OTUD7B: variants seen among roughly 807,000 people sequenced by gnomAD.
OTUD7B encodes the protein OTU domain-containing protein 7B.
Under a neutral mutation model 82.2 loss-of-function variants are expected in OTUD7B, and 34 were observed. The observed-to-expected ratio is 0.41, with a 90% CI of 0.31 to 0.55. The LOEUF is 0.55. Among genes scored for constraint, OTUD7B ranks in the 20% least tolerant of loss-of-function variants. OTUD7B has a pLI of 0.20. For missense variants in OTUD7B, 944 were observed against 1,062.1 expected (o/e 0.89, Z 1.55); for synonymous variants, 398 against 402.7 (o/e 0.99, Z 0.14).
intron 1 of OTUD7B, among the ~76,000 whole-genome samples, chr1:149,981,169 CAGA>C (rs1650706950): frequency 6.6e-6 from 1 of 151,654 alleles, no homozygotes; most frequent in African/African-American, 2.4e-5. Context: ...TCAAATAAAA[CAGA>C]GGAGGTTTTC....
chr1:150,014,885 A>G (rs1653223249), upstream of OTUD7B, among the ~76,000 whole-genome samples: 1 of 151,200 alleles, frequency 6.6e-6, no homozygotes, highest in African/African-American at 2.4e-5. Flanking sequence ...ATCAAATTGT[A>G]TACTTAAGAT....
rs1649014933 is a variant in OTUD7B, at chr1:149,959,928, G to A, written c.733-132C>T. ...CTTGGTTTACAAATTGTACTACAAA[G>A]TCAAATCTCTTATCTCTTTTACAGT... On this transcript the variant is annotated intron_variant, in intron 6 of 11. Coordinates refer to ENST00000581312, the MANE Select transcript of OTUD7B (RefSeq NM_020205.4). The A allele has an allele frequency of 1.6e-5, 10 of 636,800 alleles. No individual in the cohort carries two copies. The South Asian group carries it at 1.7e-4, about 11-fold the overall frequency. The allele number at this position is 636,800 out of a possible 1,614,324, so 39.4% of individuals were successfully genotyped here.
intron 1 of OTUD7B, among the ~76,000 whole-genome samples, chr1:149,985,120 T>C (rs1651040354): frequency 1.3e-5 from 2 of 152,258 alleles, no homozygotes; most frequent in Middle Eastern, 3.4e-3. Context: ...CAAATTCCTA[T>C]ACAGAGGCCA....
chr1:150,046,197 T>C, the OTUD7B span, among the ~76,000 whole-genome samples: 1 of 152,160 alleles, frequency 6.6e-6, no homozygotes. Flanking sequence ...ATGGGTGATC[T>C]ACGTAACTGA....
chr1:150,010,237 G>C (rs1652949892), intron 1 of OTUD7B, among the ~76,000 whole-genome samples: 1 of 152,072 alleles, frequency 6.6e-6, no homozygotes. Context: ...AGGAACGCAG[G>C]ACGCAGGTGA....
At chr1:150,043,409 G>GA in the OTUD7B span, among the ~76,000 whole-genome samples, 1 of 152,096 alleles carries the variant, frequency 6.6e-6, no homozygotes, top group Non-Finnish European at 1.5e-5. Flanking sequence ...CCACTTATGT[G>GA]AAAAATACTT....
chr1:150,026,786 G>A, the OTUD7B span, among the ~76,000 whole-genome samples: 1 of 152,118 alleles, frequency 6.6e-6, no homozygotes, highest in African/African-American at 2.4e-5. Context: ...TAATATCCAA[G>A]CTCTTGGTGC....
At chr1:150,014,750 T>C (rs1243131484), upstream of OTUD7B, among the ~76,000 whole-genome samples, 2 of 152,098 alleles carry the variant, frequency 1.3e-5, no homozygotes, top group African/African-American at 4.8e-5. Flanking sequence ...ATCTTGAAGA[T>C]AAAAATCAGA....
chr1:149,971,882 A>G (rs1649963598), intron 2 of OTUD7B, among the ~76,000 whole-genome samples: 1 of 152,234 alleles, frequency 6.6e-6, no homozygotes, highest in Non-Finnish European at 1.5e-5. Flanking sequence ...TTCAACAAAT[A>G]TGCATTGTAT....
chr1:150,033,756 G>A, the OTUD7B span, among the ~76,000 whole-genome samples: 12 of 151,890 alleles, frequency 7.9e-5, no homozygotes, highest in East Asian at 7.7e-4. Flanking sequence ...ATGGAATCTC[G>A]CTGTCACCAG....
chr1:149,962,815 C>T (rs1559838894), intron 6 of OTUD7B: 1 of 152,094 alleles, frequency 6.6e-6, no homozygotes, highest in East Asian at 1.9e-4. Flanking sequence ...GTGAAGAGGA[C>T]AAAGCTGACT....
chr1:149,993,033 T>G (rs1651698780), intron 1 of OTUD7B, among the ~76,000 whole-genome samples: 1 of 151,920 alleles, frequency 6.6e-6, no homozygotes, highest in Non-Finnish European at 1.5e-5. Flanking sequence ...TGCCTATAAT[T>G]CCAGCTACAA....
At chr1:150,057,980 A>G in the OTUD7B span, among the ~76,000 whole-genome samples, 2 of 152,198 alleles carry the variant, frequency 1.3e-5, no homozygotes, top group Admixed American at 6.5e-5. Context: ...GCACTGCCCA[A>G]ATGCCCTTGG....
chr1:150,065,262 CAG>C, the OTUD7B span, among the ~76,000 whole-genome samples: 3 of 152,058 alleles, frequency 2.0e-5, no homozygotes, highest in Admixed American at 1.3e-4. Context: ...TTTGTACAGA[CAG>C]AGTTTCATCA....
the OTUD7B span, chr1:150,067,446 C>T: frequency 1.1e-5 from 2 of 184,170 alleles, no homozygotes; most frequent in Non-Finnish European, 2.2e-5. Flanking sequence ...AAATAGGGCA[C>T]GTAGCCACAC....
intron 10 of OTUD7B, among the ~76,000 whole-genome samples, chr1:149,947,908 T>TAGGG (rs1435444626): frequency 1.3e-5 from 2 of 151,772 alleles, no homozygotes; most frequent in Non-Finnish European, 2.9e-5. Flanking sequence ...GCTGAGAGGG[T>TAGGG]AGGGAACATA....
At position 149,977,539 on chromosome 1, in the gene OTUD7B, G is replaced by C; in HGVS notation, c.-29C>G. The C allele has an allele frequency of 6.5e-7, 1 of 1,546,274 alleles. No homozygotes were observed. Among genetic ancestry groups the C allele is most frequent in the Non-Finnish European group, 8.9e-7 (1 of 1,118,302 alleles). ...ATCCTCAAGTACTTTCAGCCAGCTG[G>C]ATGTAGGTAGAACATAGATCAAAAT... On this transcript the variant is annotated 5_prime_UTR_variant, in exon 2 of 12. It adds an upstream start codon to the 5' untranslated region. Coordinates refer to ENST00000581312, the MANE Select transcript of OTUD7B (RefSeq NM_020205.4).
At chr1:149,946,552 G>A (rs1213131124) in intron 11 of OTUD7B, among the ~76,000 whole-genome samples, 2 of 151,624 alleles carry the variant, frequency 1.3e-5, no homozygotes, top group African/African-American at 4.9e-5. Context: ...GACTAGCCTG[G>A]CCAACGTGGT....
intron 6 of OTUD7B, chr1:149,962,241 T>C (rs587639113): frequency 1.2e-4 from 19 of 152,310 alleles, no homozygotes; most frequent in Admixed American, 5.9e-4. Context: ...GTACAACTTC[T>C]AGCCTTAACA....
Sources: allele counts gnomAD v4.1 joint callset (sites outside exome capture counted in the v4.1 genomes callset), GRCh38; gene constraint gnomAD v4.1.1; transcripts MANE v1.5; gene names NCBI Gene and HGNC (gene_info 2026-07-23, HGNC 2026-07-21).